Variants in LIPA observed in about 807,000 individuals in gnomAD.
LIPA encodes lysosomal acid lipase/cholesteryl ester hydrolase.
A neutral mutation model predicts 40.6 loss-of-function variants in LIPA; 26 were observed. That is an observed-to-expected ratio of 0.64 (90% confidence interval 0.47 to 0.89). The LOEUF is 0.89. Among genes scored for constraint, LIPA ranks in the 40% least tolerant of loss-of-function variants. LIPA has a pLI of 0.00. For missense variants in LIPA, 455 were observed against 479.6 expected, an observed-to-expected ratio of 0.95 and a Z score of 0.48; for synonymous variants, 188 against 168.4, an observed-to-expected ratio of 1.12 and a Z score of -0.90.
At chr10:89,384,955 C>G (rs935125327) in intron 2 of LIPA, 44 of 520,572 alleles carry the variant, frequency 8.5e-5, no homozygotes, top group African/African-American at 7.4e-4. Context: ...ATAAGACCCC[C>G]TGAAAGTATC....
At chr10:89,226,051 C>T (rs564925072) in intron 5 of LIPA, among the ~76,000 whole-genome samples, 3 of 152,096 alleles carry the variant, frequency 2.0e-5, no homozygotes, top group South Asian at 2.1e-4. Flanking sequence ...GGCATGAAAA[C>T]GAATTAATAC....
intron 2 of LIPA, among the ~76,000 whole-genome samples, chr10:89,407,568 T>C (rs1482979316): frequency 2.6e-5 from 4 of 152,148 alleles, no homozygotes; most frequent in Admixed American, 1.3e-4. Flanking sequence ...GCCTCAGAAA[T>C]TGTATCCTTC....
chr10:89,414,676 A>T, upstream of LIPA: 1 of 1,188,496 alleles, frequency 8.4e-7, no homozygotes, highest in Non-Finnish European at 1.1e-6. Context: ...CAGGGGCTGC[A>T]GAGGCCTGGC....
chr10:89,222,206 G>A (rs1842708370), intron 8 of LIPA, among the ~76,000 whole-genome samples: 1 of 152,072 alleles, frequency 6.6e-6, no homozygotes, highest in Non-Finnish European at 1.5e-5. Context: ...AACAGGAGGA[G>A]GAAAAGAAAG....
chr10:89,215,324 C>A (rs1842610966), intron 9 of LIPA, among the ~76,000 whole-genome samples: 2 of 152,148 alleles, frequency 1.3e-5, no homozygotes. Flanking sequence ...AATGTTTAAT[C>A]CCCGGCAAGG....
chr10:89,219,210 TAACTC>T, intron 8 of LIPA, among the ~76,000 whole-genome samples: 1 of 152,208 alleles, frequency 6.6e-6, no homozygotes, highest in East Asian at 1.9e-4. Flanking sequence ...CTAAGGCACT[TAACTC>T]AAACATAGAT....
intron 2 of LIPA, among the ~76,000 whole-genome samples, chr10:89,380,204 T>C (rs78739547): frequency 0.022 from 3,316 of 152,256 alleles, 123 homozygotes; most frequent in African/African-American, 0.074. Flanking sequence ...AAGGGGAATC[T>C]GGACTATCCC....
At chr10:89,360,551 G>C (rs1001386833) in intron 2 of LIPA, among the ~76,000 whole-genome samples, 1 of 152,142 alleles carries the variant, frequency 6.6e-6, no homozygotes, top group African/African-American at 2.4e-5. Context: ...TAAGAGTGAT[G>C]GTTTAAAAAG....
chr10:89,261,776 A>G (rs990678271), intron 1 of LIPA, among the ~76,000 whole-genome samples: 5 of 152,168 alleles, frequency 3.3e-5, no homozygotes, highest in African/African-American at 9.7e-5. Flanking sequence ...ATCTAACACT[A>G]GTTTATATTG....
At chr10:89,217,646 A>G (rs1175236255) in intron 8 of LIPA, among the ~76,000 whole-genome samples, 1 of 152,250 alleles carries the variant, frequency 6.6e-6, no homozygotes, top group Non-Finnish European at 1.5e-5. Flanking sequence ...TTGAAAGGAT[A>G]TTTCAAAAGA....
intron 1 of LIPA, among the ~76,000 whole-genome samples, chr10:89,292,925 A>C (rs781449272): frequency 2.0e-5 from 3 of 152,062 alleles, no homozygotes; most frequent in Non-Finnish European, 4.4e-5. Flanking sequence ...CTGAGATTAC[A>C]GACATGAGCC....
intron 3 of LIPA, among the ~76,000 whole-genome samples, chr10:89,232,574 A>T (rs186665219): frequency 2.0e-5 from 3 of 152,292 alleles, no homozygotes; most frequent in Admixed American, 2.0e-4. Context: ...GTCCAGAGAA[A>T]GGCAGGAATG....
rs11203096 is a variant in LIPA at position 89,366,090 on chromosome 10, A to T, written c.61+46701T>A. Among the ~76,000 whole-genome samples the T allele has an allele frequency of 1.4e-4, 22 of 152,282 alleles. No homozygotes were observed. The East Asian group carries it at 4.2e-3, about 29-fold the overall frequency. ...GATTCTTCCTACCCATGAGCATGGA[A>T]TGTTTTTCCATTTGTTTGTGTCCTC... On this transcript the variant is annotated intron_variant, in intron 2 of 8. Coordinates refer to the LIPA transcript ENST00000371837.
At chr10:89,375,881 C>A (rs1011505843) in intron 2 of LIPA, among the ~76,000 whole-genome samples, 3 of 151,980 alleles carry the variant, frequency 2.0e-5, no homozygotes, top group Admixed American at 6.6e-5. Context: ...TAAATGATAT[C>A]CTGTGCTTGT....
intron 8 of LIPA, among the ~76,000 whole-genome samples, chr10:89,219,795 G>A (rs1413795031): frequency 6.6e-6 from 1 of 152,214 alleles, no homozygotes; most frequent in African/African-American, 2.4e-5. Flanking sequence ...TACAATGGCT[G>A]CACAAAGCAA....
intron 2 of LIPA, among the ~76,000 whole-genome samples, chr10:89,348,721 A>G (rs1843940571): frequency 6.6e-6 from 1 of 152,178 alleles, no homozygotes; most frequent in African/African-American, 2.4e-5. Context: ...CTTGCTTATC[A>G]GCTTGCAAAC....
intron 2 of LIPA, among the ~76,000 whole-genome samples, chr10:89,353,940 C>CAA: frequency 7.1e-6 from 1 of 140,866 alleles, no homozygotes; most frequent in Non-Finnish European, 1.6e-5. Flanking sequence ...GACTCCGTCT[C>CAA]AAAAAAAAAA....
chr10:89,267,779 T>C, intron 1 of LIPA, among the ~76,000 whole-genome samples: 1 of 149,776 alleles, frequency 6.7e-6, no homozygotes, highest in East Asian at 2.0e-4. Flanking sequence ...AAATAATTAC[T>C]CTACCATCAC....
At chr10:89,366,011 G>T (rs1199088466) in intron 2 of LIPA, among the ~76,000 whole-genome samples, 1 of 152,110 alleles carries the variant, frequency 6.6e-6, no homozygotes, top group Admixed American at 6.5e-5. Context: ...GCTTGATGGG[G>T]ATGGCATTGA....
Sources: allele counts gnomAD v4.1 joint callset (sites outside exome capture counted in the v4.1 genomes callset), GRCh38; gene constraint gnomAD v4.1.1; transcripts MANE v1.5; gene names NCBI Gene and HGNC (gene_info 2026-07-23, HGNC 2026-07-21).